Variants in DISC1 observed in about 807,000 individuals in gnomAD.
The protein encoded by DISC1 is DISC1 scaffold protein, also known as disrupted in schizophrenia 1 protein.
A neutral mutation model predicts 84.5 loss-of-function variants in DISC1; 57 were observed. The ratio of observed to expected loss-of-function variants is 0.67; its 90% CI spans 0.55 to 0.84. DISC1 has a LOEUF of 0.84. DISC1 is among the 40% of genes least tolerant of loss of function. The pLI is 0.00. For synonymous variants in DISC1, 411 were observed against 415.2 expected, an observed-to-expected ratio of 0.99 and a Z score of 0.12; for missense variants, 1,000 against 1,057.8, an observed-to-expected ratio of 0.95 and a Z score of 0.76.
chr1:232,013,462 C>T (rs1668207665), intron 11 of DISC1, among the ~76,000 whole-genome samples: 1 of 152,114 alleles, frequency 6.6e-6, no homozygotes, highest in South Asian at 2.1e-4. Context: ...AGGTGTGATA[C>T]CTTTCCTCAG....
At chr1:232,004,111 C>T (rs1174396255) in intron 10 of DISC1, among the ~76,000 whole-genome samples, 1 of 151,176 alleles carries the variant, frequency 6.6e-6, no homozygotes, top group Non-Finnish European at 1.5e-5. Flanking sequence ...CTTATTATAA[C>T]ATTAAAATTT....
At chr1:231,800,082 A>T (rs778043271) in intron 7 of DISC1, 26 bp from the exon 8 acceptor site, 4 of 1,564,140 alleles carry the variant, frequency 2.6e-6, no homozygotes, top group Non-Finnish European at 2.6e-6. Context: ...ATAAATGATG[A>T]TTCCTGGTCA....
intron 9 of DISC1, among the ~76,000 whole-genome samples, chr1:231,912,547 G>A (rs987013709): frequency 5.9e-5 from 9 of 152,274 alleles, no homozygotes; most frequent in Middle Eastern, 3.4e-3. Flanking sequence ...TGGAAGCTTC[G>A]TCTCAGAGGG....
intron 9 of DISC1, among the ~76,000 whole-genome samples, chr1:231,898,951 A>T (rs1346105960): frequency 6.6e-6 from 1 of 151,994 alleles, no homozygotes; most frequent in Non-Finnish European, 1.5e-5. Flanking sequence ...AAAACAAAAA[A>T]TGAAACAAAA....
chr1:231,647,163 C>T (rs1247065915), intron 1 of DISC1, among the ~76,000 whole-genome samples: 1 of 152,102 alleles, frequency 6.6e-6, no homozygotes, highest in African/African-American at 2.4e-5. Flanking sequence ...AAAGGTATTG[C>T]CTAGGTTTTC....
intron 9 of DISC1, among the ~76,000 whole-genome samples, chr1:231,931,118 AGTC>A (rs937305942): frequency 1.3e-5 from 2 of 152,174 alleles, no homozygotes; most frequent in African/African-American, 4.8e-5. Context: ...GGTCATGTTT[AGTC>A]CTGGAAGGAC....
At chr1:231,709,790 C>A (rs574443509) in intron 3 of DISC1, among the ~76,000 whole-genome samples, 7 of 152,196 alleles carry the variant, frequency 4.6e-5, no homozygotes, top group Non-Finnish European at 1.0e-4. Flanking sequence ...GTGGACACAT[C>A]TTATTCACGT....
At chr1:231,940,037 C>T (rs1207744343) in intron 9 of DISC1, among the ~76,000 whole-genome samples, 2 of 151,926 alleles carry the variant, frequency 1.3e-5, no homozygotes, top group Non-Finnish European at 2.9e-5. Flanking sequence ...GCCACCATGC[C>T]TGGGTTTCTC....
intron 9 of DISC1, among the ~76,000 whole-genome samples, chr1:231,875,600 A>G (rs980244763): frequency 2.0e-5 from 3 of 152,152 alleles, no homozygotes; most frequent in African/African-American, 7.2e-5. Flanking sequence ...GATGATCTAT[A>G]AATTTCCCTC....
chr1:231,947,903 A>G (rs559000886), intron 9 of DISC1, among the ~76,000 whole-genome samples: 1 of 152,380 alleles, frequency 6.6e-6, no homozygotes, highest in South Asian at 2.1e-4. Flanking sequence ...CAAAACCACA[A>G]TGAGATACCA....
At chr1:231,871,200 T>C (rs1356482898) in intron 9 of DISC1, among the ~76,000 whole-genome samples, 1 of 152,186 alleles carries the variant, frequency 6.6e-6, no homozygotes, top group Non-Finnish European at 1.5e-5. Flanking sequence ...CAGACTCCTT[T>C]TGGACTAGGC....
intron 3 of DISC1, among the ~76,000 whole-genome samples, chr1:231,713,766 TATATATATAGGAGATATATATATAGGAG>T (rs1558401421): frequency 1.0e-3 from 145 of 143,898 alleles, no homozygotes; most frequent in African/African-American, 3.6e-3. Context: ...ATATAGGAGA[TATATATATAGGAGATATATATATAGGAG>T]ATATATATAT....
intron 6 of DISC1, chr1:231,774,660 T>C (rs999825040): frequency 2.2e-6 from 1 of 455,698 alleles, no homozygotes; most frequent in Non-Finnish European, 4.4e-6. Context: ...ATCAGACTGC[T>C]CCCTGCCGTA....
intron 10 of DISC1, among the ~76,000 whole-genome samples, chr1:231,998,424 A>T (rs1666239441): frequency 6.6e-6 from 1 of 152,196 alleles, no homozygotes; most frequent in South Asian, 2.1e-4. Context: ...GCAAAACAGG[A>T]TAGAAAAAAA....
chr1:231,932,108 A>G (rs895074382), intron 9 of DISC1, among the ~76,000 whole-genome samples: 6 of 152,196 alleles, frequency 3.9e-5, no homozygotes, highest in African/African-American at 1.2e-4. Flanking sequence ...GTGGCGGACC[A>G]TAAGAATGGG....
intron 1 of DISC1, among the ~76,000 whole-genome samples, chr1:231,659,333 T>TATTTGA (rs2061393656): frequency 6.6e-6 from 1 of 152,210 alleles, no homozygotes; most frequent in Non-Finnish European, 1.5e-5. Flanking sequence ...GATATCTCCC[T>TATTTGA]TAACATTTTC....
intron 9 of DISC1, among the ~76,000 whole-genome samples, chr1:231,920,659 G>A (rs903123544): frequency 6.6e-6 from 1 of 152,090 alleles, no homozygotes; most frequent in Non-Finnish European, 1.5e-5. Context: ...TCCTTCATCC[G>A]TTCATCCATA....
intron 3 of DISC1, among the ~76,000 whole-genome samples, chr1:231,746,871 G>T (rs377150076): frequency 3.4e-4 from 51 of 152,232 alleles, no homozygotes; most frequent in East Asian, 2.1e-3. Flanking sequence ...TGTTGGATGG[G>T]TAGTTTGCAA....
chr1:231,940,272 C>T (rs200765538), intron 9 of DISC1, among the ~76,000 whole-genome samples: 4 of 152,176 alleles, frequency 2.6e-5, no homozygotes, highest in Non-Finnish European at 5.9e-5. Context: ...GTACGATCCA[C>T]TTGGGCATCA....
Sources: gnomAD v4.1 joint callset for allele counts (sites outside exome capture counted in the v4.1 genomes callset) on GRCh38, gnomAD v4.1.1 for gene constraint, MANE v1.5 for transcripts, NCBI Gene and HGNC (gene_info 2026-07-23, HGNC 2026-07-21) for gene names.